MYO1D: variants seen among roughly 807,000 people sequenced by gnomAD.
MYO1D encodes myosin ID.
In MYO1D, 83 loss-of-function variants were observed where a neutral mutation model predicts 122.0. The observed-to-expected ratio is 0.68, with a 90% CI of 0.57 to 0.82. The LOEUF (loss-of-function observed/expected upper bound fraction) is 0.82. Among genes scored for constraint, MYO1D ranks in the 40% least tolerant of loss-of-function variants. The pLI, the probability that MYO1D is intolerant of heterozygous loss-of-function variation, is 0.00. For synonymous variants in MYO1D, 464 were observed against 446.9 expected (o/e 1.04, Z -0.48); for missense variants, 1,157 against 1,269.5 (o/e 0.91, Z 1.35).
chr17:32,771,869 G>C (rs1160396292), intron 5 of MYO1D, among the ~76,000 whole-genome samples: 1 of 152,192 alleles, frequency 6.6e-6, no homozygotes, highest in African/African-American at 2.4e-5. Flanking sequence ...ATTGCCAACA[G>C]AACCATAAAC....
intron 16 of MYO1D, among the ~76,000 whole-genome samples, chr17:32,668,231 C>G (rs1328650494): frequency 3.3e-5 from 5 of 152,164 alleles, no homozygotes; most frequent in Admixed American, 6.5e-5. Flanking sequence ...GTTTGAGCAT[C>G]TGAGCAGATC....
intron 17 of MYO1D, among the ~76,000 whole-genome samples, chr17:32,656,394 G>A (rs2088477257): frequency 1.4e-5 from 2 of 140,026 alleles, no homozygotes; most frequent in Non-Finnish European, 1.6e-5. Flanking sequence ...ATGGGGAAGC[G>A]GCTCACTCAG....
intron 1 of MYO1D, among the ~76,000 whole-genome samples, chr17:32,827,159 C>A (rs182239184): frequency 9.2e-5 from 14 of 152,122 alleles, no homozygotes; most frequent in Middle Eastern, 3.4e-3. Context: ...GATGGATGAA[C>A]GGAGAAACAA....
At chr17:32,565,027 G>A (rs1461960298) in intron 21 of MYO1D, among the ~76,000 whole-genome samples, 1 of 110,884 alleles carries the variant, frequency 9.0e-6, no homozygotes, top group African/African-American at 3.8e-5. Flanking sequence ...TTTTGGAGAT[G>A]GCTTCTTGCT....
At chr17:32,584,247 C>T (rs946775088) in intron 21 of MYO1D, among the ~76,000 whole-genome samples, 1 of 152,194 alleles carries the variant, frequency 6.6e-6, no homozygotes, top group Non-Finnish European at 1.5e-5. Context: ...TATACTTCCA[C>T]AAACTTATTA....
intron 17 of MYO1D, among the ~76,000 whole-genome samples, chr17:32,655,101 T>A (rs2088457200): frequency 6.6e-6 from 1 of 152,268 alleles, no homozygotes; most frequent in South Asian, 2.1e-4. Context: ...CATATCATTT[T>A]ATGTAGACAG....
chr17:32,867,771 C>G (rs183882008), intron 1 of MYO1D, among the ~76,000 whole-genome samples: 1 of 133,742 alleles, frequency 7.5e-6, no homozygotes, highest in African/African-American at 2.9e-5. Context: ...TGCACTCCAG[C>G]CTGGGCGACA....
chr17:32,787,040 T>C (rs997747471), intron 1 of MYO1D, among the ~76,000 whole-genome samples: 16 of 151,628 alleles, frequency 1.1e-4, no homozygotes, highest in Admixed American at 9.2e-4. Flanking sequence ...CTCTCTAAAA[T>C]AAGATATCAA....
intron 6 of MYO1D, 72 bp from the exon 7 acceptor site, chr17:32,767,824 T>A (rs1440977654): frequency 9.1e-7 from 1 of 1,101,148 alleles, no homozygotes; most frequent in East Asian, 2.4e-5. Flanking sequence ...ATTATAAAAC[T>A]AAGTTATACC....
chr17:32,869,827 G>C (rs551717878), intron 1 of MYO1D, among the ~76,000 whole-genome samples: 2 of 152,258 alleles, frequency 1.3e-5, no homozygotes, highest in African/African-American at 4.8e-5. Flanking sequence ...CAGCTACTCA[G>C]GAGGCTGAAG....
intron 4 of MYO1D, among the ~76,000 whole-genome samples, chr17:32,773,537 C>A (rs1198708086): frequency 1.3e-5 from 2 of 148,558 alleles, no homozygotes; most frequent in Admixed American, 6.7e-5. Context: ...CCTACCCCCA[C>A]CCCCCGACCC....
At chr17:32,657,900 C>A (rs1002953201) in intron 17 of MYO1D, among the ~76,000 whole-genome samples, 2 of 152,208 alleles carry the variant, frequency 1.3e-5, no homozygotes, top group African/African-American at 4.8e-5. Flanking sequence ...AAATCTTACA[C>A]AGATCTTTAT....
chr17:32,494,862 T>A lies in MYO1D; in HGVS notation c.2918A>T (p.His973Leu). 6.2e-7 allele frequency: 1 copy of A among 1,614,032 alleles called. No individual in the cohort carries two copies. The highest frequency in any genetic ancestry group is 1.1e-5 in the South Asian group (1 of 91,074). Residue 973 changes from histidine to leucine, a missense_variant, in exon 22 of 22, where the codon CAC becomes CTC. His to Leu is a moderately conservative substitution (Grantham distance 99). Coordinates refer to ENST00000318217, the MANE Select transcript of MYO1D (RefSeq NM_015194.3). ...CACGGAGACGGTGCACTTCTTCCCG[T>A]GCAGGCTGCACTGTACTGGGTTGGT... is the stretch of plus-strand genomic sequence containing the variant. ...NVTNPVQCSL[H>L]GKKCTVSVET...
At chr17:32,501,818 G>A (rs1909328871) in intron 21 of MYO1D, among the ~76,000 whole-genome samples, 1 of 152,184 alleles carries the variant, frequency 6.6e-6, no homozygotes, top group South Asian at 2.1e-4. Context: ...GTGTTTCCCT[G>A]AGTTCTGTGA....
chr17:32,591,537 C>T (rs2087438448), intron 21 of MYO1D, among the ~76,000 whole-genome samples: 1 of 152,116 alleles, frequency 6.6e-6, no homozygotes, highest in African/African-American at 2.4e-5. Context: ...ACTCTCCATT[C>T]CTTCTTTACC....
At chr17:32,708,201 A>G (rs1423948405) in intron 16 of MYO1D, among the ~76,000 whole-genome samples, 3 of 152,226 alleles carry the variant, frequency 2.0e-5, no homozygotes, top group Non-Finnish European at 4.4e-5. Flanking sequence ...AGTACTGCAG[A>G]AAAAGATAAA....
chr17:32,591,815 A>G (rs756899833), intron 21 of MYO1D, among the ~76,000 whole-genome samples: 1 of 152,180 alleles, frequency 6.6e-6, no homozygotes, highest in Non-Finnish European at 1.5e-5. Context: ...GTAGCTCACT[A>G]AGCATGTAGG....
chr17:32,847,059 A>G (rs1355880253), intron 1 of MYO1D, among the ~76,000 whole-genome samples: 1 of 152,198 alleles, frequency 6.6e-6, no homozygotes, highest in Admixed American at 6.5e-5. Flanking sequence ...CTCTTTATAG[A>G]ATTTACAGAA....
intron 16 of MYO1D, among the ~76,000 whole-genome samples, chr17:32,679,740 C>T (rs546820334): frequency 5.3e-5 from 8 of 152,076 alleles, no homozygotes; most frequent in South Asian, 4.2e-4. Context: ...CTTGGCAGTG[C>T]GGGGTCTTTT....
Sources: gnomAD v4.1 joint callset for allele counts (sites outside exome capture counted in the v4.1 genomes callset) on GRCh38, gnomAD v4.1.1 for gene constraint, MANE v1.5 for transcripts, NCBI Gene and HGNC (gene_info 2026-07-23, HGNC 2026-07-21) for gene names.